Variants in METTL14 observed in about 807,000 individuals in gnomAD.
The protein encoded by METTL14 is methyltransferase 14, N6-adenosine-methyltransferase non-catalytic subunit, also known as N(6)-adenosine-methyltransferase non-catalytic subunit METTL14.
METTL14 carries 32 observed loss-of-function variants against 62.4 expected under a neutral mutation model. The ratio of observed to expected loss-of-function variants is 0.51; its 90% CI spans 0.39 to 0.69. METTL14 has a LOEUF of 0.69. Among genes scored for constraint, METTL14 ranks in the 30% least tolerant of loss-of-function variants. METTL14 has a pLI of 0.00. For missense variants in METTL14, 340 were observed against 551.9 expected (o/e 0.62, Z 3.85); for synonymous variants, 150 against 180.0 (o/e 0.83, Z 1.34).
rs199640936 is a variant in METTL14, at chr4:118,697,204, G to A, written c.526G>A (p.Ala176Thr). The change falls in exon 7 of 11, where the codon GCC becomes ACC. Residue 176 changes from alanine to threonine, a missense_variant. By Grantham distance (58) the Ala-to-Thr change is moderately conservative. Around this residue, in one of 7 missense-constraint regions of METTL14, gnomAD observed 41 missense variants for 44.0 expected, o/e 0.93. Coordinates refer to ENST00000388822, the MANE Select transcript of METTL14 (RefSeq NM_020961.4). ...TAGGTACTTACAAGCCGATATAGAA[G>A]CCTTTGACATCAGAGAACTAACACC... ...PPMYLQADIE[A>T]FDIRELTPKF... 1.4e-4 allele frequency: 220 copies of A among 1,608,834 alleles called. 2 individuals carry two copies. The East Asian group carries it at 4.8e-3, about 35-fold the overall frequency.
chr4:118,697,292 C>T lies in METTL14; in HGVS notation c.614C>T (p.Thr205Ile), dbSNP rs767272060. 6.2e-7 allele frequency: 1 copy of T among 1,608,094 alleles called. No homozygotes were observed. The highest frequency in any genetic ancestry group is 8.5e-7 in the Non-Finnish European group (1 of 1,178,320). ...GAATATTACAGAGAAACTGGCATCA[C>T]TGCTAATGAAAAATGCTGGACTTGG... ...LEEYYRETGI[T>I]ANEKCWTWDD... The change falls in exon 7 of 11, where the codon ACT becomes ATT. Residue 205 changes from threonine (T) to isoleucine (I), a missense_variant. By Grantham distance (89) the Thr-to-Ile change is moderately conservative (BLOSUM62 -1). Around this residue, in one of 7 missense-constraint regions of METTL14, gnomAD observed 58 missense variants for 147.5 expected, o/e 0.39. Transcript: ENST00000388822.
rs746215777 is a variant in METTL14 at position 118,704,054 on chromosome 4, A to G, written c.855+3A>G. Reference sequence around the variant, plus strand: ...AGGCTGTCTTTCAGAGAACAAAGGTATTGCCTTTACTGATTTGTTTTTTTT... The same window carrying G: ...AGGCTGTCTTTCAGAGAACAAAGGTGTTGCCTTTACTGATTTGTTTTTTTT... On this transcript the variant is annotated splice_donor_region_variant and intron_variant, in intron 9 of 10. Coordinates refer to ENST00000388822, the MANE Select transcript of METTL14 (RefSeq NM_020961.4). The G allele has an allele frequency of 3.3e-6, 5 of 1,523,120 alleles. No individual in the cohort carries two copies. The highest frequency in any genetic ancestry group is 2.0e-5 in the Admixed American group (1 of 50,096). The allele number at this position is 1,523,120 out of a possible 1,614,324, so 94.4% of individuals were successfully genotyped here. A position where few individuals can be genotyped will look rare whatever the true frequency, so the allele number is the denominator to read the frequency against.
At position 118,711,950 on chromosome 4, in the gene METTL14, T is replaced by C. The variant is rs1219937789; in HGVS notation, c.*1648T>C. 6.6e-6 allele frequency: 1 copy of C among 152,200 alleles called. No homozygotes were observed. Among genetic ancestry groups the C allele is most frequent in the Non-Finnish European group, 1.5e-5 (1 of 68,034 alleles). 9.4% of individuals were successfully genotyped at this position (152,200 alleles called of 1,614,324 possible). A position where few individuals can be genotyped will look rare whatever the true frequency, so the allele number is the denominator to read the frequency against. Reference sequence around the variant, plus strand: ...CAAGGTGACATTCCTGCTGTTTACATGGCATAGGCACCTGTGAGATCAGTG... The same window carrying C: ...CAAGGTGACATTCCTGCTGTTTACACGGCATAGGCACCTGTGAGATCAGTG... On this transcript the variant is annotated 3_prime_UTR_variant, in exon 11 of 11. Transcript: ENST00000388822.
chr4:118,705,466 C>G (rs1200839196), intron 9 of METTL14, 145 bp from the exon 10 acceptor site: 5 of 686,844 alleles, frequency 7.3e-6, no homozygotes, highest in Non-Finnish European at 1.2e-5. Flanking sequence ...AGAGCGAGAC[C>G]CAGTCTCAAA....
intron 1 of METTL14, among the ~76,000 whole-genome samples, chr4:118,686,042 C>G (rs2110462700): frequency 6.6e-6 from 1 of 152,336 alleles, no homozygotes; most frequent in South Asian, 2.1e-4. Context: ...GAAGACAACA[C>G]TGGAAGTAGC....
chr4:118,689,343 T>C, intron 2 of METTL14, 27 bp from the exon 3 acceptor site: 1 of 1,246,674 alleles, frequency 8.0e-7, no homozygotes, highest in Non-Finnish European at 1.2e-6. Context: ...TATATATTTA[T>C]GGGTAATATT....
intron 2 of METTL14, among the ~76,000 whole-genome samples, 169 bp from the exon 3 acceptor site, chr4:118,689,201 T>A (rs115918392): frequency 0.031 from 4,714 of 152,314 alleles, 115 homozygotes; most frequent in Non-Finnish European, 0.049. Flanking sequence ...CACAGAATTA[T>A]CAATCAGGTT....
At position 118,686,837 on chromosome 4, in the gene METTL14, A is replaced by G. The variant is rs1437336608; in HGVS notation, c.67-1086A>G. 1.7e-5 allele frequency: 5 copies of G among 295,090 alleles called. No homozygotes were observed. The East Asian group carries it at 3.5e-4, about 20-fold the overall frequency. The allele number at this position is 295,090 out of a possible 1,614,324, so 18.3% of individuals were successfully genotyped here. A position where few individuals can be genotyped will look rare whatever the true frequency, so the allele number is the denominator to read the frequency against. Reference sequence around the variant, plus strand: ...ACACTCAGCAGATGCCAGGGGCTCTACCTTTTAAAGTCTTTTATGAATTGG... The same window carrying G: ...ACACTCAGCAGATGCCAGGGGCTCTGCCTTTTAAAGTCTTTTATGAATTGG... On this transcript the variant is annotated intron_variant, in intron 1 of 10. Transcript: ENST00000388822.
In METTL14 at chr4:118,685,487, A is replaced by C; in HGVS notation, c.-48A>C. On this transcript the variant is annotated 5_prime_UTR_variant, in exon 1 of 11. Coordinates refer to ENST00000388822, the MANE Select transcript of METTL14 (RefSeq NM_020961.4). ...CGGAAGAAAGGTTGGATAAGAGTTC[A>C]CTGGAGATTGACAAGTACTCGGGAT... The C allele has an allele frequency of 6.4e-7, 1 of 1,568,556 alleles. No individual in the cohort carries two copies. The highest frequency in any genetic ancestry group is 8.8e-7 in the Non-Finnish European group (1 of 1,138,438).
At chr4:118,695,733 A>G (rs556024087) in intron 6 of METTL14, among the ~76,000 whole-genome samples, 3 of 152,320 alleles carry the variant, frequency 2.0e-5, no homozygotes, top group African/African-American at 7.2e-5. Flanking sequence ...GCTAAGCAGA[A>G]TAATGTTTTC....
rs1215145493 is a variant in METTL14 at position 118,710,955 on chromosome 4, A to G, written c.*653A>G. Reference sequence around the variant, plus strand: ...AAAAAAGTTTATCATCATAATCTCAATTTTGTGGCTATGACTCCTAATCAC... The same window carrying G: ...AAAAAAGTTTATCATCATAATCTCAGTTTTGTGGCTATGACTCCTAATCAC... On this transcript the variant is annotated 3_prime_UTR_variant, in exon 11 of 11. Transcript: ENST00000388822. The G allele has an allele frequency of 1.3e-5, 2 of 152,094 alleles. No individual in the cohort carries two copies. The highest frequency in any genetic ancestry group is 4.8e-5 in the African/African-American group (2 of 41,398). The allele number at this position is 152,094 out of a possible 1,614,324, so 9.4% of individuals were successfully genotyped here. A position where few individuals can be genotyped will look rare whatever the true frequency, so the allele number is the denominator to read the frequency against.
At chr4:118,701,173 G>GTTTTTTT (rs370557403) in intron 8 of METTL14, among the ~76,000 whole-genome samples, 21 of 114,162 alleles carry the variant, frequency 1.8e-4, no homozygotes, top group African/African-American at 5.6e-4. Flanking sequence ...TTTTATTGGA[G>GTTTTTTT]TTTTTTTTTG....
chr4:118,686,370 G>A lies in METTL14; in HGVS notation c.66+770G>A, dbSNP rs114773464. 9.5e-3 allele frequency among the ~76,000 whole-genome samples: 1,446 copies of A among 152,296 alleles called. 16 individuals are homozygous for A. The highest frequency in any genetic ancestry group is 0.033 in the African/African-American group (1,383 of 41,552). ...AGTGCACATGCAGAAAATACAGATT[G>A]TGCACAGTTCTACTTAAAATCGAGG... On this transcript the variant is annotated intron_variant, in intron 1 of 10. Coordinates refer to ENST00000388822, the MANE Select transcript of METTL14 (RefSeq NM_020961.4).
chr4:118,702,506 T>G (rs1724625028), intron 8 of METTL14, among the ~76,000 whole-genome samples: 1 of 152,174 alleles, frequency 6.6e-6, no homozygotes, highest in African/African-American at 2.4e-5. Flanking sequence ...CTGGGCGCAG[T>G]GGCTCATGTC....
intron 6 of METTL14, 130 bp from the exon 7 acceptor site, chr4:118,697,052 A>C (rs2110402812): frequency 1.5e-6 from 1 of 648,792 alleles, no homozygotes; most frequent in East Asian, 3.0e-5. Flanking sequence ...TTACTTTGTA[A>C]ATAGTGTTTA....
Position 118,694,433 on chromosome 4 carries a change from C to T in METTL14, c.413-3C>T, listed in dbSNP as rs1392251779. ...TTCAGAATTTACTATTTTTTCTGCT[C>T]AGGTTTAGCTGACAGATTTGAAGAA... On this transcript the variant is annotated splice_polypyrimidine_tract_variant and splice_region_variant and intron_variant, in intron 5 of 10. Coordinates refer to ENST00000388822, the MANE Select transcript of METTL14 (RefSeq NM_020961.4). The T allele has an allele frequency of 1.2e-6, 2 of 1,603,380 alleles. No homozygotes were observed. Among genetic ancestry groups the T allele is most frequent in the African/African-American group, 1.3e-5 (1 of 74,398 alleles).
rs576144457 is a variant in METTL14 at position 118,710,449 on chromosome 4, G to A, written c.*147G>A. Reference sequence around the variant, plus strand: ...CTGCAAGAATGTCTTAGCGAGCCTTGCTTGCAGTTGTCACACACACTGTCT... The same window carrying A: ...CTGCAAGAATGTCTTAGCGAGCCTTACTTGCAGTTGTCACACACACTGTCT... On this transcript the variant is annotated 3_prime_UTR_variant, in exon 11 of 11. Coordinates refer to ENST00000388822, the MANE Select transcript of METTL14 (RefSeq NM_020961.4). The A allele has an allele frequency of 2.2e-4, 165 of 760,524 alleles. No homozygotes were observed. In the South Asian group the frequency reaches 3.2e-3, roughly 15 times the overall value. 47.1% of individuals were successfully genotyped at this position (760,524 alleles called of 1,614,324 possible).
rs756017688 is a variant in METTL14, at chr4:118,694,517, C to T, written c.494C>T (p.Thr165Ile). 1.9e-6 allele frequency: 3 copies of T among 1,609,970 alleles called. No individual in the cohort carries two copies. The highest frequency in any genetic ancestry group is 2.5e-6 in the Non-Finnish European group (3 of 1,176,898). Residue 165 changes from threonine to isoleucine, a missense_variant, in exon 6 of 11, where the codon ACT becomes ATT. Physicochemically the swap from Thr to Ile is moderately conservative, Grantham distance 89. Coordinates refer to ENST00000388822, the MANE Select transcript of METTL14 (RefSeq NM_020961.4). ...LKDELIAKSNTPPMYLQADIE... is the reference protein window; with the variant it reads ...LKDELIAKSNIPPMYLQADIE... ...GATGAGTTAATAGCTAAATCTAACACTCCTCCCATGTAAGTGTTTTTATTC... is the reference window on the plus strand; with the variant it reads ...GATGAGTTAATAGCTAAATCTAACATTCCTCCCATGTAAGTGTTTTTATTC...
intron 3 of METTL14, among the ~76,000 whole-genome samples, chr4:118,690,622 G>A (rs554512657): frequency 1.6e-4 from 24 of 151,324 alleles, no homozygotes; most frequent in Non-Finnish European, 3.1e-4. Flanking sequence ...AGAGGTTGCA[G>A]TGAGCTGAGA....
Sources: allele counts gnomAD v4.1 joint callset (sites outside exome capture counted in the v4.1 genomes callset), GRCh38; gene constraint gnomAD v4.1.1; regional missense constraint gnomAD v4.1.1; transcripts MANE v1.5; gene names NCBI Gene and HGNC (gene_info 2026-07-23, HGNC 2026-07-21).